Variants in CFAP61 observed in about 807,000 individuals in gnomAD.
CFAP61 encodes the protein cilia and flagella associated protein 61.
CFAP61 carries 107 observed loss-of-function variants against 135.6 expected under a neutral mutation model. That is an observed-to-expected ratio of 0.79 (90% CI 0.67 to 0.93). The LOEUF is 0.93. CFAP61 is among the 40% of genes least tolerant of loss of function. CFAP61 has a pLI of 0.00. For missense variants in CFAP61, 1,507 were observed against 1,556.2 expected (o/e 0.97, Z 0.53); for synonymous variants, 575 against 578.5 (o/e 0.99, Z 0.09).
intron 17 of CFAP61, chr20:20,214,221 T>C (rs2047876979): frequency 6.6e-6 from 1 of 152,206 alleles, no homozygotes; most frequent in Non-Finnish European, 1.5e-5. Context: ...ATATCCAGGC[T>C]CAGGCAATCT....
At chr20:20,156,803 G>T (rs2052947438) in intron 9 of CFAP61, among the ~76,000 whole-genome samples, 1 of 152,154 alleles carries the variant, frequency 6.6e-6, no homozygotes, top group Non-Finnish European at 1.5e-5. Flanking sequence ...AGATATTCAA[G>T]ACTTCTATGG....
chr20:20,254,801 A>G (rs1347822537), intron 20 of CFAP61, among the ~76,000 whole-genome samples: 6 of 152,218 alleles, frequency 3.9e-5, no homozygotes, highest in African/African-American at 1.4e-4. Context: ...CTCTAATCAG[A>G]CCTTTTAAAT....
At chr20:20,071,320 C>T (rs535379409) in intron 3 of CFAP61, among the ~76,000 whole-genome samples, 2 of 152,256 alleles carry the variant, frequency 1.3e-5, no homozygotes, top group Non-Finnish European at 2.9e-5. Context: ...CGTCAGTGTC[C>T]AAGGTCATTG....
At chr20:20,225,010 G>C (rs2048638584) in intron 17 of CFAP61, among the ~76,000 whole-genome samples, 1 of 152,202 alleles carries the variant, frequency 6.6e-6, no homozygotes, top group African/African-American at 2.4e-5. Flanking sequence ...TTCAGAGGGA[G>C]AAAAGGAAAA....
At chr20:20,185,032 C>T (rs992391502) in intron 13 of CFAP61, among the ~76,000 whole-genome samples, 25 of 152,114 alleles carry the variant, frequency 1.6e-4, no homozygotes, top group African/African-American at 5.8e-4. Context: ...GGAGAGGGGG[C>T]TCTCAGCCAC....
At chr20:20,193,622 T>C (rs955025976) in intron 15 of CFAP61, among the ~76,000 whole-genome samples, 1 of 151,966 alleles carries the variant, frequency 6.6e-6, no homozygotes, top group Admixed American at 6.5e-5. Flanking sequence ...TAATTATTAT[T>C]ATTATTTTGG....
At chr20:20,156,097 C>G (rs1218420468) in intron 9 of CFAP61, among the ~76,000 whole-genome samples, 1 of 152,076 alleles carries the variant, frequency 6.6e-6, no homozygotes, top group Non-Finnish European at 1.5e-5. Context: ...GCACTAAAAT[C>G]TCAGAAATCA....
chr20:20,140,621 A>G (rs952534717), intron 8 of CFAP61, among the ~76,000 whole-genome samples: 17 of 152,298 alleles, frequency 1.1e-4, no homozygotes, highest in Non-Finnish European at 2.2e-4. Context: ...TGATGGGACT[A>G]TAAACTAGTT....
At chr20:20,055,075 AT>A (rs1489281535) in intron 1 of CFAP61, among the ~76,000 whole-genome samples, 1 of 151,734 alleles carries the variant, frequency 6.6e-6, no homozygotes, top group East Asian at 1.9e-4. Context: ...TATTTTCTTT[AT>A]TCTTCTGTTT....
chr20:20,346,123 G>A (rs1481247613), intron 26 of CFAP61, among the ~76,000 whole-genome samples: 1,833 of 132,942 alleles, frequency 0.014, 48 homozygotes, highest in African/African-American at 0.048. Flanking sequence ...GGATGGTCTC[G>A]ATCTCCTGAC....
At chr20:20,138,607 A>G (rs944058796) in intron 8 of CFAP61, among the ~76,000 whole-genome samples, 1 of 152,188 alleles carries the variant, frequency 6.6e-6, no homozygotes, top group African/African-American at 2.4e-5. Context: ...GCAATTCAAG[A>G]CTGTCTTTCC....
chr20:20,329,660 T>C (rs1039923313), intron 25 of CFAP61, among the ~76,000 whole-genome samples: 1 of 152,174 alleles, frequency 6.6e-6, no homozygotes, highest in Non-Finnish European at 1.5e-5. Context: ...CCAAGCCCCA[T>C]ACACAAGCAT....
At chr20:20,095,216 A>T (rs2047480217) in intron 7 of CFAP61, among the ~76,000 whole-genome samples, 1 of 152,132 alleles carries the variant, frequency 6.6e-6, no homozygotes, top group African/African-American at 2.4e-5. Context: ...ATGTTTAGTG[A>T]GATCACACTG....
chr20:20,296,205 T>C (rs1601869245), intron 24 of CFAP61, among the ~76,000 whole-genome samples: 2 of 76,832 alleles, frequency 2.6e-5, no homozygotes, highest in Admixed American at 1.5e-4. Context: ...CCTTCCCTTC[T>C]CTCCTCCCTT....
intron 17 of CFAP61, chr20:20,201,077 A>C (rs1435749541): frequency 1.9e-6 from 1 of 521,256 alleles, no homozygotes; most frequent in Non-Finnish European, 2.5e-6. Flanking sequence ...ATTAATGTGC[A>C]ATTAGTCATG....
At chr20:20,182,322 G>GCT (rs2055166587) in intron 13 of CFAP61, among the ~76,000 whole-genome samples, 1 of 152,104 alleles carries the variant, frequency 6.6e-6, no homozygotes. Context: ...AAAATAGTAT[G>GCT]CATCCTTACA....
rs6081901 is a variant in CFAP61, at chr20:20,164,128, G to A, written c.1105G>A (p.Val369Ile). 0.54 allele frequency: 870,527 copies of A among 1,613,110 alleles called. 240,043 individuals are homozygous for A. Among genetic ancestry groups the A allele is most frequent in the Non-Finnish European group, 0.57 (675,397 of 1,179,524 alleles). ...CAGCAGTAGGAGCTTGGCATCGCTC[G>A]TACTGCCTGAAGAGCCCGTCCACTT... ...HVSSRSLASL[V>I]LPEEPVHFRP... Residue 369 changes from valine to isoleucine, a missense_variant, in exon 11 of 27, where the codon GTA becomes ATA. Val to Ile is a conservative substitution (Grantham distance 29). Transcript: ENST00000245957.
intron 21 of CFAP61, among the ~76,000 whole-genome samples, 155 bp downstream of exon 21, chr20:20,263,285 CTTG>C (rs995328131): frequency 3.9e-5 from 6 of 152,050 alleles, no homozygotes; most frequent in South Asian, 2.1e-4. Context: ...TAATTTACAA[CTTG>C]TTGTCATTTT....
intron 16 of CFAP61, among the ~76,000 whole-genome samples, chr20:20,198,768 G>A (rs1386363013): frequency 6.6e-6 from 1 of 152,150 alleles, no homozygotes; most frequent in Non-Finnish European, 1.5e-5. Context: ...CAGTGGTGAA[G>A]GATTTTAGAA....
Sources: gnomAD v4.1 joint callset for allele counts (sites outside exome capture counted in the v4.1 genomes callset) on GRCh38, gnomAD v4.1.1 for gene constraint, MANE v1.5 for transcripts, NCBI Gene and HGNC (gene_info 2026-07-23, HGNC 2026-07-21) for gene names.